The following GULP1 variants were observed in gnomAD, a reference collection of about 807,000 sequenced individuals.
The protein encoded by GULP1 is GULP PTB domain containing engulfment adaptor 1.
Under a neutral mutation model 40.9 loss-of-function variants are expected in GULP1, and 19 were observed. That is an observed-to-expected ratio of 0.46 (90% CI 0.32 to 0.68). The LOEUF is 0.68. GULP1 is among the 30% of genes least tolerant of loss of function. GULP1 has a pLI of 0.03. For synonymous variants in GULP1, 119 were observed against 117.6 expected (o/e 1.01, Z -0.08); for missense variants, 312 against 362.2 (o/e 0.86, Z 1.12).
intron 1 of GULP1, among the ~76,000 whole-genome samples, chr2:188,376,091 A>T (rs1247993995): frequency 6.7e-6 from 1 of 150,344 alleles, no homozygotes; most frequent in Non-Finnish European, 1.5e-5. Flanking sequence ...TGTATTTATT[A>T]AAAAAAAAAT....
At chr2:188,576,092 A>G (rs968141984) in intron 9 of GULP1, among the ~76,000 whole-genome samples, 1 of 152,092 alleles carries the variant, frequency 6.6e-6, no homozygotes, top group Non-Finnish European at 1.5e-5. Flanking sequence ...TGAAATAGAC[A>G]TGACTTAGGA....
intron 1 of GULP1, among the ~76,000 whole-genome samples, chr2:188,295,375 C>T (rs1425241661): frequency 6.6e-6 from 1 of 152,136 alleles, no homozygotes; most frequent in African/African-American, 2.4e-5. Flanking sequence ...CCAATCAGCA[C>T]CGAACTTCTC....
intron 4 of GULP1, among the ~76,000 whole-genome samples, chr2:188,512,703 A>G (rs1442139452): frequency 6.6e-5 from 10 of 152,140 alleles, no homozygotes; most frequent in Admixed American, 2.0e-4. Context: ...CAGCCTTTCA[A>G]GTGAAAAAAT....
At chr2:188,452,308 T>TC (rs1216859513) in intron 2 of GULP1, among the ~76,000 whole-genome samples, 1 of 152,130 alleles carries the variant, frequency 6.6e-6, no homozygotes, top group Non-Finnish European at 1.5e-5. Flanking sequence ...TGGAGGTTTT[T>TC]CACCTCCAGG....
intron 3 of GULP1, among the ~76,000 whole-genome samples, chr2:188,480,979 C>T (rs2061404861): frequency 6.6e-6 from 1 of 151,796 alleles, no homozygotes; most frequent in South Asian, 2.1e-4. Flanking sequence ...AGGTGTTTCA[C>T]CATTGTAAGC....
At chr2:188,575,235 C>T (rs1699939017) in intron 9 of GULP1, among the ~76,000 whole-genome samples, 1 of 152,088 alleles carries the variant, frequency 6.6e-6, no homozygotes, top group Admixed American at 6.6e-5. Context: ...CAATGCATAT[C>T]ACTTTAATTT....
intron 4 of GULP1, among the ~76,000 whole-genome samples, chr2:188,521,566 C>A (rs910246777): frequency 6.6e-6 from 1 of 152,046 alleles, no homozygotes. Context: ...GGCAAGAGAG[C>A]TTGTGTAAGG....
At chr2:188,386,625 T>A (rs917356940) in intron 2 of GULP1, among the ~76,000 whole-genome samples, 2 of 152,168 alleles carry the variant, frequency 1.3e-5, no homozygotes, top group African/African-American at 4.8e-5. Context: ...TGTACATCAC[T>A]TGGTTTGCAT....
intron 2 of GULP1, among the ~76,000 whole-genome samples, chr2:188,414,518 T>A (rs577797515): frequency 5.0e-4 from 76 of 152,302 alleles, no homozygotes; most frequent in Non-Finnish European, 9.4e-4. Context: ...TGTGTATTTT[T>A]TAGAACTCAG....
In GULP1 at chr2:188,461,429, T is replaced by G. The variant is rs2059698353; in HGVS notation, c.-44-16230T>G. ...TCCGCCTCCTAAACTCAAGCAATTC[T>G]CCTACCTCAGCCTCCCGAGTAGCTG... On this transcript the variant is annotated intron_variant, in intron 2 of 11. Coordinates refer to ENST00000409830, the MANE Select transcript of GULP1 (RefSeq NM_016315.4). Among the ~76,000 whole-genome samples, 3 of 150,834 alleles carry G rather than the reference T, an allele frequency of 2.0e-5. No individual in the cohort carries two copies. The South Asian group carries it at 6.3e-4, about 32-fold the overall frequency.
intron 2 of GULP1, among the ~76,000 whole-genome samples, chr2:188,460,631 C>T (rs951494778): frequency 7.2e-5 from 11 of 152,092 alleles, no homozygotes; most frequent in Non-Finnish European, 1.5e-4. Context: ...TCCAATTTGG[C>T]TGCCCTTTAT....
At chr2:188,387,070 T>C (rs1210470327) in intron 2 of GULP1, among the ~76,000 whole-genome samples, 4 of 151,982 alleles carry the variant, frequency 2.6e-5, no homozygotes, top group African/African-American at 4.8e-5. Flanking sequence ...ACCCCGTCTC[T>C]ACTAAAAATA....
intron 1 of GULP1, among the ~76,000 whole-genome samples, chr2:188,352,620 A>T (rs199746162): frequency 6.6e-4 from 56 of 84,670 alleles, no homozygotes; most frequent in Non-Finnish European, 1.0e-3. Flanking sequence ...TCTCTCTCTC[A>T]CACACACACA....
At position 188,489,574 on chromosome 2, in the gene GULP1, G is replaced by A. The variant is rs150456697; in HGVS notation, c.90+6082G>A. Among the ~76,000 whole-genome samples the A allele has an allele frequency of 3.8e-3, 581 of 151,928 alleles. 5 individuals carry two copies. The highest frequency in any genetic ancestry group is 0.013 in the African/African-American group (547 of 41,510). On this transcript the variant is annotated intron_variant, in intron 4 of 11. Transcript: ENST00000409830. Reference sequence around the variant, plus strand: ...CAAACATTTTAAAATTAAAGAATGAGCATATAAATTGAAGCTTAACCATCA... The same window carrying A: ...CAAACATTTTAAAATTAAAGAATGAACATATAAATTGAAGCTTAACCATCA...
chr2:188,514,080 T>TGC (rs1167087802), intron 4 of GULP1, among the ~76,000 whole-genome samples: 12 of 148,770 alleles, frequency 8.1e-5, no homozygotes, highest in Admixed American at 1.3e-4. Flanking sequence ...TGTGTGTGTG[T>TGC]GTGCGCCCTG....
chr2:188,463,594 C>T lies in GULP1; in HGVS notation c.-44-14065C>T, dbSNP rs187705609. Among the ~76,000 whole-genome samples, 109 of 152,148 alleles carry T rather than the reference C, an allele frequency of 7.2e-4. 3 individuals carry two copies. The highest frequency in any genetic ancestry group is 2.2e-4 in the Non-Finnish European group (15 of 67,976). On this transcript the variant is annotated intron_variant, in intron 2 of 11. Coordinates refer to ENST00000409830, the MANE Select transcript of GULP1 (RefSeq NM_016315.4). Reference sequence around the variant, plus strand: ...TCGCTGTTATTATCCCTTTCTACTCCTATCTTTTTCTCTACCTTCTCTTTA... The same window carrying T: ...TCGCTGTTATTATCCCTTTCTACTCTTATCTTTTTCTCTACCTTCTCTTTA...
At chr2:188,487,098 T>C (rs2061928787) in intron 4 of GULP1, among the ~76,000 whole-genome samples, 1 of 152,006 alleles carries the variant, frequency 6.6e-6, no homozygotes, top group East Asian at 1.9e-4. Flanking sequence ...TTCCCTTCAA[T>C]TTTTTATGAG....
At chr2:188,540,530 C>T (rs1176389281) in intron 6 of GULP1, among the ~76,000 whole-genome samples, 2 of 151,510 alleles carry the variant, frequency 1.3e-5, no homozygotes, top group South Asian at 2.1e-4. Flanking sequence ...GATTTGACTG[C>T]GTGATTTGGA....
At chr2:188,338,644 T>C (rs773656682) in intron 1 of GULP1, among the ~76,000 whole-genome samples, 6 of 152,148 alleles carry the variant, frequency 3.9e-5, no homozygotes, top group Non-Finnish European at 7.3e-5. Context: ...AATAATACTT[T>C]CAATAAAATA....
Sources: gnomAD v4.1 joint callset for allele counts (sites outside exome capture counted in the v4.1 genomes callset) on GRCh38, gnomAD v4.1.1 for gene constraint, MANE v1.5 for transcripts, NCBI Gene and HGNC (gene_info 2026-07-23, HGNC 2026-07-21) for gene names.